The following MAPRE2 variants were observed in gnomAD, a reference collection of about 807,000 sequenced individuals.
MAPRE2 encodes the protein microtubule-associated protein RP/EB family member 2.
A neutral mutation model predicts 43.2 loss-of-function variants in MAPRE2; 13 were observed. That is an observed-to-expected ratio of 0.30 (90% confidence interval 0.20 to 0.48). The LOEUF is 0.48. Ranked by LOEUF, MAPRE2 falls within the 20% of genes least tolerant of loss-of-function variation. MAPRE2 has a pLI of 0.99. For missense variants in MAPRE2, 161 were observed against 400.2 expected (o/e 0.40, Z 5.10); for synonymous variants, 135 against 148.8 (o/e 0.91, Z 0.68).
chr18:35,016,364 G>A (rs2085388514), intron 2 of MAPRE2, among the ~76,000 whole-genome samples: 1 of 151,956 alleles, frequency 6.6e-6, no homozygotes, highest in African/African-American at 2.4e-5. Context: ...TTCTGTTTAA[G>A]TTCTTTGAGA....
chr18:35,016,400 G>A (rs1046864023), intron 2 of MAPRE2, among the ~76,000 whole-genome samples: 1 of 151,998 alleles, frequency 6.6e-6, no homozygotes, highest in Non-Finnish European at 1.5e-5. Flanking sequence ...TTCAACAGTG[G>A]CTGAACTAAT....
intron 3 of MAPRE2, among the ~76,000 whole-genome samples, chr18:35,099,674 T>C (rs1394208287): frequency 6.6e-6 from 1 of 152,168 alleles, no homozygotes; most frequent in Non-Finnish European, 1.5e-5. Context: ...AATTCTTCCT[T>C]GTAAGCAGAC....
At chr18:35,022,370 A>G (rs922617863) in intron 2 of MAPRE2, among the ~76,000 whole-genome samples, 24 of 148,582 alleles carry the variant, frequency 1.6e-4, no homozygotes, top group African/African-American at 5.9e-4. Context: ...TATGGTTTAT[A>G]CTTAGACCTA....
chr18:34,980,806 A>T (rs1177090047), intron 1 of MAPRE2, among the ~76,000 whole-genome samples: 1 of 152,198 alleles, frequency 6.6e-6, no homozygotes, highest in East Asian at 1.9e-4. Flanking sequence ...GAAAAACCAC[A>T]TATGAATTTA....
intron 4 of MAPRE2, among the ~76,000 whole-genome samples, chr18:35,108,564 T>G (rs1005732833): frequency 5.3e-5 from 8 of 152,250 alleles, no homozygotes; most frequent in African/African-American, 1.9e-4. Context: ...TCCACAATGG[T>G]TGAAGTAATT....
intron 4 of MAPRE2, among the ~76,000 whole-genome samples, chr18:35,118,332 C>A (rs367573703): frequency 8.2e-4 from 125 of 152,276 alleles, no homozygotes; most frequent in African/African-American, 2.9e-3. Context: ...CCGGCTGACT[C>A]AGCTCTTGTT....
chr18:35,004,414 T>C (rs2097030792), intron 1 of MAPRE2, among the ~76,000 whole-genome samples: 2 of 152,164 alleles, frequency 1.3e-5, no homozygotes, highest in Non-Finnish European at 2.9e-5. Flanking sequence ...CTCATATGTA[T>C]ATGCAAGTCA....
Position 35,058,312 on chromosome 18 carries a change from G to A in MAPRE2, c.123-11883G>A, listed in dbSNP as rs142966090. 9.3e-4 allele frequency among the ~76,000 whole-genome samples: 142 copies of A among 152,128 alleles called. 1 individual carries two copies. Among genetic ancestry groups the A allele is most frequent in the Non-Finnish European group, 3.2e-4 (22 of 68,006 alleles). Reference sequence around the variant, plus strand: ...TCATTTTCCATTTTCATTTCAAAATGTTCTCATGAGTTTAAAAATCAATTT... The same window carrying A: ...TCATTTTCCATTTTCATTTCAAAATATTCTCATGAGTTTAAAAATCAATTT... On this transcript the variant is annotated intron_variant, in intron 1 of 6. Coordinates refer to ENST00000300249, the MANE Select transcript of MAPRE2 (RefSeq NM_014268.4).
Position 35,041,851 on chromosome 18 carries a change from A to G in MAPRE2, c.122+190A>G, listed in dbSNP as rs1905385102. On this transcript the variant is annotated intron_variant, in intron 1 of 6. Coordinates refer to ENST00000300249, the MANE Select transcript of MAPRE2 (RefSeq NM_014268.4). ...GTTTGCATTGAGGCTCCGCGACTGCAGATGGAAAGCATTTTGTGAATAGGT... is the reference window on the plus strand; with the variant it reads ...GTTTGCATTGAGGCTCCGCGACTGCGGATGGAAAGCATTTTGTGAATAGGT... 2 of 1,382,442 alleles carry G rather than the reference A, an allele frequency of 1.4e-6. 1 individual carries two copies. The allele number at this position is 1,382,442 out of a possible 1,614,324, so 85.6% of individuals were successfully genotyped here. A position where few individuals can be genotyped will look rare whatever the true frequency, so the allele number is the denominator to read the frequency against.
chr18:35,077,861 A>G (rs555157027), intron 2 of MAPRE2, among the ~76,000 whole-genome samples: 15 of 152,366 alleles, frequency 9.8e-5, no homozygotes, highest in Non-Finnish European at 1.9e-4. Context: ...ACCAAGATCA[A>G]TAAAAACCAG....
At chr18:35,028,022 C>A (rs184241792) in intron 2 of MAPRE2, among the ~76,000 whole-genome samples, 2 of 152,208 alleles carry the variant, frequency 1.3e-5, no homozygotes. Context: ...TCTTACAGAG[C>A]AGCATGGTAG....
intron 4 of MAPRE2, 83 bp downstream of exon 4, chr18:35,102,242 A>G: frequency 9.8e-7 from 1 of 1,023,402 alleles, no homozygotes; most frequent in Non-Finnish European, 1.4e-6. Context: ...TGTGTTTCTG[A>G]CTGATTCTTC....
At position 35,141,134 on chromosome 18, in the gene MAPRE2, C is replaced by G. The variant is rs9965298; in HGVS notation, c.*765C>G. ...TGTAGCCCATTTCCCAGGTTATGCT[C>G]TTTTCTTTCTCAGGGTCCTCTTTGG... On this transcript the variant is annotated 3_prime_UTR_variant, in exon 7 of 7. Transcript: ENST00000300249. 5,136 of 152,360 alleles carry G rather than the reference C, an allele frequency of 0.034. 271 individuals carry two copies. Among genetic ancestry groups the G allele is most frequent in the African/African-American group, 0.12 (4,852 of 41,540 alleles). 9.4% of individuals were successfully genotyped at this position (152,360 alleles called of 1,614,324 possible).
At chr18:35,079,600 A>G (rs548172949) in intron 2 of MAPRE2, among the ~76,000 whole-genome samples, 15 of 152,308 alleles carry the variant, frequency 9.8e-5, no homozygotes, top group African/African-American at 2.6e-4. Context: ...TAGATCTGCC[A>G]GTGGGTATGG....
chr18:35,025,790 A>C (rs890247287), intron 2 of MAPRE2, among the ~76,000 whole-genome samples: 3 of 152,220 alleles, frequency 2.0e-5, no homozygotes, highest in African/African-American at 7.2e-5. Flanking sequence ...AAGAGCATTT[A>C]TGAAGGATTC....
intron 1 of MAPRE2, among the ~76,000 whole-genome samples, chr18:34,985,301 ATTGTAT>A (rs1568961505): frequency 2.4e-4 from 9 of 37,814 alleles, no homozygotes; most frequent in African/African-American, 1.1e-3. Context: ...TATATTATAT[ATTGTAT>A]ATATTATATT....
intron 4 of MAPRE2, among the ~76,000 whole-genome samples, chr18:35,123,487 C>T (rs1251341863): frequency 6.6e-6 from 1 of 152,140 alleles, no homozygotes; most frequent in Non-Finnish European, 1.5e-5. Context: ...CAGGAGGGGC[C>T]AGTGAGCATG....
intron 1 of MAPRE2, among the ~76,000 whole-genome samples, chr18:34,994,532 T>C (rs2097025504): frequency 6.6e-6 from 1 of 152,144 alleles, no homozygotes; most frequent in Non-Finnish European, 1.5e-5. Context: ...GAAGGTCCTG[T>C]TCCAAGGATT....
chr18:35,032,958 C>G (rs1023479912), intron 2 of MAPRE2, among the ~76,000 whole-genome samples: 1 of 152,088 alleles, frequency 6.6e-6, no homozygotes, highest in African/African-American at 2.4e-5. Flanking sequence ...CCATTAGTTG[C>G]AGATACGTTA....
Sources: allele counts gnomAD v4.1 joint callset (sites outside exome capture counted in the v4.1 genomes callset), GRCh38; gene constraint gnomAD v4.1.1; transcripts MANE v1.5; gene names NCBI Gene and HGNC (gene_info 2026-07-23, HGNC 2026-07-21).